The following TNRC6A variants were observed in gnomAD, a reference collection of about 807,000 sequenced individuals.
The protein encoded by TNRC6A is trinucleotide repeat containing adaptor 6A, also known as trinucleotide repeat-containing gene 6A protein.
TNRC6A carries 44 observed loss-of-function variants against 221.2 expected under a neutral mutation model. The observed-to-expected ratio is 0.20, with a 90% CI of 0.16 to 0.26. The LOEUF (loss-of-function observed/expected upper bound fraction) is 0.26, where lower values mean the gene tolerates loss of function less well. Among genes scored for constraint, TNRC6A ranks in the 10% least tolerant of loss-of-function variants. The pLI is 1.00. For synonymous variants in TNRC6A, 847 were observed against 838.5 expected, an observed-to-expected ratio of 1.01 and a Z score of -0.18; for missense variants, 2,199 against 2,404.4, an observed-to-expected ratio of 0.91 and a Z score of 1.79.
rs575836606 is a variant in TNRC6A at position 24,769,304 on chromosome 16, G to A, written c.164-7629G>A. Among the ~76,000 whole-genome samples the A allele has an allele frequency of 1.5e-3, 231 of 151,928 alleles. 1 individual carries two copies. Among genetic ancestry groups the A allele is most frequent in the African/African-American group, 4.6e-3 (192 of 41,460 alleles). On this transcript the variant is annotated intron_variant, in intron 4 of 24. Coordinates refer to ENST00000395799, the MANE Select transcript of TNRC6A (RefSeq NM_014494.4). ...TGCATTTCATTGTTTCACAAAGTGG[G>A]GGGTCCTGATTTGGAACACAGACTA...
At chr16:24,636,738 T>G (rs1394287330) in intron 1 of TNRC6A, among the ~76,000 whole-genome samples, 4 of 152,232 alleles carry the variant, frequency 2.6e-5, no homozygotes, top group Non-Finnish European at 5.9e-5. Flanking sequence ...TATGGCATTT[T>G]GTTCCTTAAT....
chr16:24,780,867 T>A (rs147775227), intron 5 of TNRC6A, among the ~76,000 whole-genome samples: 160 of 152,140 alleles, frequency 1.1e-3, no homozygotes, highest in Middle Eastern at 3.4e-3. Context: ...TATTTAAAGG[T>A]TAAAATGCTG....
chr16:24,812,802 T>TA (rs1186250965), intron 18 of TNRC6A, among the ~76,000 whole-genome samples: 1 of 151,874 alleles, frequency 6.6e-6, no homozygotes, highest in Non-Finnish European at 1.5e-5. Context: ...TGCAATTAGC[T>TA]ACTTGGCAAG....
chr16:24,719,036 CCA>C (rs2056364988), intron 2 of TNRC6A, among the ~76,000 whole-genome samples: 1 of 140,766 alleles, frequency 7.1e-6, no homozygotes, highest in East Asian at 2.1e-4. Flanking sequence ...GACTCTGTCT[CCA>C]AAAAAAAAAA....
At chr16:24,818,808 T>G (rs2152094130) in intron 21 of TNRC6A, 108 bp downstream of exon 21, 1 of 835,926 alleles carries the variant, frequency 1.2e-6, no homozygotes, top group African/African-American at 1.7e-5. Flanking sequence ...ATTAGGAGAT[T>G]CTGTTTGTGA....
chr16:24,667,711 G>A (rs540845113), intron 2 of TNRC6A, among the ~76,000 whole-genome samples: 2 of 152,308 alleles, frequency 1.3e-5, no homozygotes, highest in African/African-American at 4.8e-5. Flanking sequence ...ACTAATGATA[G>A]CTATTATTGT....
intron 2 of TNRC6A, among the ~76,000 whole-genome samples, chr16:24,654,452 C>A (rs1596602925): frequency 6.6e-6 from 1 of 152,288 alleles, no homozygotes; most frequent in African/African-American, 2.4e-5. Context: ...CGCCTGTAAT[C>A]CCAGCACTTT....
At chr16:24,811,599 A>G (rs951073672) in intron 18 of TNRC6A, among the ~76,000 whole-genome samples, 1 of 152,048 alleles carries the variant, frequency 6.6e-6, no homozygotes, top group African/African-American at 2.4e-5. Flanking sequence ...AACTTGAAGA[A>G]TTTGAACATT....
At chr16:24,809,322 G>A (rs1487043610) in intron 17 of TNRC6A, 28 bp from the exon 18 acceptor site, 2 of 1,474,736 alleles carry the variant, frequency 1.4e-6, no homozygotes, top group Non-Finnish European at 1.8e-6. Flanking sequence ...TATTTTCTAA[G>A]GTTTTGTTTT....
intron 2 of TNRC6A, among the ~76,000 whole-genome samples, chr16:24,746,573 A>G (rs1179693853): frequency 6.6e-6 from 1 of 152,154 alleles, no homozygotes; most frequent in Non-Finnish European, 1.5e-5. Context: ...GTTTTTGGTT[A>G]TGATTTTATG....
At chr16:24,776,839 T>G (rs2057728745) in intron 4 of TNRC6A, 94 bp from the exon 5 acceptor site, 1 of 1,518,786 alleles carries the variant, frequency 6.6e-7, no homozygotes. Context: ...TTTTTAGGAT[T>G]ATTTTTCTTA....
chr16:24,790,439 A>C lies in TNRC6A; in HGVS notation c.1797A>C (p.Arg599Ser). The change falls in exon 6 of 25, where the codon AGA (arginine) becomes AGC (serine). Residue 599 changes from arginine to serine, a missense_variant. Physicochemically the swap from Arg to Ser is moderately radical, Grantham distance 110. This residue lies in a region of TNRC6A where 1,405 missense variants were observed against 1,400.2 expected (regional missense o/e 1.00). Transcript: ENST00000395799. Reference protein sequence around the residue: ...GNGANSGGSRRGWGTPAQNTG... With the variant: ...GNGANSGGSRSGWGTPAQNTG... ...GCGCAAATTCTGGAGGAAGTCGAAG[A>C]GGATGGGGAACCCCTGCACAAAACA... is the stretch of plus-strand genomic sequence containing the variant. 1 of 1,614,244 alleles carries C rather than the reference A, an allele frequency of 6.2e-7. No individual in the cohort carries two copies. The highest frequency in any genetic ancestry group is 8.5e-7 in the Non-Finnish European group (1 of 1,180,044).
intron 1 of TNRC6A, among the ~76,000 whole-genome samples, chr16:24,633,678 C>A (rs1901469462): frequency 6.6e-6 from 1 of 152,228 alleles, no homozygotes; most frequent in Non-Finnish European, 1.5e-5. Flanking sequence ...CAGGCGTGAG[C>A]CACTGTGCCC....
chr16:24,820,713 A>T (rs913683967), intron 22 of TNRC6A, among the ~76,000 whole-genome samples: 1 of 152,262 alleles, frequency 6.6e-6, no homozygotes, highest in Non-Finnish European at 1.5e-5. Context: ...CTAGGGGGGT[A>T]GCTTGGCCTG....
chr16:24,690,016 AAAAAAAAAAAAT>A (rs1480759964), intron 2 of TNRC6A, among the ~76,000 whole-genome samples: 13 of 77,856 alleles, frequency 1.7e-4, no homozygotes, highest in Admixed American at 8.6e-4. Flanking sequence ...AAAAAAAAAA[AAAAAAAAAAAAT>A]TTTTTTTTTT....
At chr16:24,800,163 G>C (rs1399502634) in intron 11 of TNRC6A, among the ~76,000 whole-genome samples, 2 of 152,188 alleles carry the variant, frequency 1.3e-5, no homozygotes, top group Non-Finnish European at 2.9e-5. Context: ...TAAATCAGCA[G>C]TTGTCAGAAC....
chr16:24,763,423 G>C (rs367678501), intron 4 of TNRC6A, among the ~76,000 whole-genome samples: 7 of 152,262 alleles, frequency 4.6e-5, no homozygotes, highest in Admixed American at 1.3e-4. Context: ...GAATGTGACT[G>C]AGATGGCTAA....
intron 1 of TNRC6A, among the ~76,000 whole-genome samples, chr16:24,626,296 T>A (rs561592619): frequency 6.6e-6 from 1 of 152,116 alleles, no homozygotes; most frequent in African/African-American, 2.4e-5. Flanking sequence ...AAATGTTTTA[T>A]ATGTACAGAA....
chr16:24,683,778 G>A (rs1052163254), intron 2 of TNRC6A, among the ~76,000 whole-genome samples: 54 of 152,162 alleles, frequency 3.5e-4, no homozygotes, highest in African/African-American at 1.3e-3. Context: ...AGGACTTAAT[G>A]AGGTAAAATA....
Sources: gnomAD v4.1 joint callset for allele counts (sites outside exome capture counted in the v4.1 genomes callset) on GRCh38, gnomAD v4.1.1 for gene constraint, gnomAD v4.1.1 regional missense constraint, MANE v1.5 for transcripts, NCBI Gene and HGNC (gene_info 2026-07-23, HGNC 2026-07-21) for gene names.